The following DNAH7 variants were observed in gnomAD, a reference collection of about 807,000 sequenced individuals.
The protein encoded by DNAH7 is axonemal beta dynein heavy chain 7.
In DNAH7, 397 loss-of-function variants were observed where a neutral mutation model predicts 444.6. That is an observed-to-expected ratio of 0.89 (90% CI 0.82 to 0.97). The LOEUF is 0.97. Among genes scored for constraint, DNAH7 ranks in the 50% least tolerant of loss-of-function variants. The pLI is 0.00. For missense variants in DNAH7, 4,902 were observed against 4,800.8 expected (o/e 1.02, Z -0.62); for synonymous variants, 1,636 against 1,624.4 (o/e 1.01, Z -0.17).
intron 39 of DNAH7, 138 bp downstream of exon 39, chr2:195,873,430 G>T: frequency 2.0e-6 from 1 of 504,666 alleles, no homozygotes; most frequent in Non-Finnish European, 3.2e-6. Flanking sequence ...GGCAGGAACA[G>T]AGGCAAACGA....
In DNAH7 at chr2:195,794,607, G is replaced by A. The variant is rs1006630541; in HGVS notation, c.10516-69C>T. ...AAGAAAATCTCAAAAGCATACATAT[G>A]AAGGATGAGTTGGAAGGGGGAGGAA... On this transcript the variant is annotated intron_variant, in intron 56 of 64. Transcript: ENST00000312428. The A allele has an allele frequency of 4.1e-6, 6 of 1,454,966 alleles. No homozygotes were observed. The African/African-American group carries it at 8.4e-5, about 20-fold the overall frequency. 90.1% of individuals were successfully genotyped at this position (1,454,966 alleles called of 1,614,324 possible). A position where few individuals can be genotyped will look rare whatever the true frequency, so the allele number is the denominator to read the frequency against.
chr2:195,829,352 A>AT (rs1313868700), intron 48 of DNAH7, among the ~76,000 whole-genome samples: 2 of 151,964 alleles, frequency 1.3e-5, no homozygotes, highest in Non-Finnish European at 2.9e-5. Context: ...TTTGTTCAGT[A>AT]TATGTGGCCC....
intron 57 of DNAH7, among the ~76,000 whole-genome samples, chr2:195,787,943 G>A (rs1356100085): frequency 2.0e-5 from 3 of 152,122 alleles, no homozygotes; most frequent in Admixed American, 6.5e-5. Flanking sequence ...CTTCTGCCAC[G>A]GGGTGAGGAA....
intron 12 of DNAH7, among the ~76,000 whole-genome samples, chr2:195,998,332 TG>T (rs1301092992): frequency 2.0e-5 from 3 of 152,326 alleles, no homozygotes; most frequent in Non-Finnish European, 4.4e-5. Context: ...CCCAGCACTT[TG>T]GGAGGCAGAG....
At chr2:195,946,110 G>A (rs1444053418) in intron 19 of DNAH7, among the ~76,000 whole-genome samples, 1 of 152,152 alleles carries the variant, frequency 6.6e-6, no homozygotes, top group Non-Finnish European at 1.5e-5. Context: ...AGAAGATGGT[G>A]TGGTGGAATG....
intron 15 of DNAH7, 146 bp from the exon 16 acceptor site, chr2:195,972,612 C>T (rs1021888868): frequency 6.8e-6 from 4 of 585,402 alleles, no homozygotes; most frequent in Admixed American, 3.1e-5. Context: ...GCATAGTTTC[C>T]TTCTCATCCC....
intron 60 of DNAH7, among the ~76,000 whole-genome samples, chr2:195,775,587 A>T (rs1574412398): frequency 6.6e-6 from 1 of 152,056 alleles, no homozygotes; most frequent in African/African-American, 2.4e-5. Context: ...AGGCAAAATG[A>T]AACTCCTAGA....
intron 57 of DNAH7, among the ~76,000 whole-genome samples, chr2:195,789,637 T>A (rs1695782509): frequency 6.6e-6 from 1 of 152,002 alleles, no homozygotes; most frequent in African/African-American, 2.4e-5. Flanking sequence ...GTCTTGGTGA[T>A]CAGAATTAGT....
chr2:195,769,499 C>A (rs906560555), intron 61 of DNAH7, among the ~76,000 whole-genome samples: 3 of 152,052 alleles, frequency 2.0e-5, no homozygotes, highest in Admixed American at 2.0e-4. Context: ...TGACATTAAA[C>A]CCTGCCATTG....
At chr2:195,988,970 CATA>C (rs907641440) in intron 12 of DNAH7, among the ~76,000 whole-genome samples, 3 of 152,136 alleles carry the variant, frequency 2.0e-5, no homozygotes, top group Admixed American at 2.0e-4. Context: ...TTTCACTTAA[CATA>C]ATGCCCTCCA....
intron 63 of DNAH7, among the ~76,000 whole-genome samples, chr2:195,747,299 G>C (rs186930230): frequency 6.6e-6 from 1 of 152,294 alleles, no homozygotes. Flanking sequence ...ACTAAACCAG[G>C]AAGAAGTTGA....
rs113117707 is a variant in DNAH7, at chr2:196,056,386, A to G, written c.78+1668T>C. ...CTTGAGCCCGGGAGGCGGAGGTTGC[A>G]GTGAGCCAAGATCATGCCACTGCAC... On this transcript the variant is annotated intron_variant, in intron 2 of 64. Coordinates refer to ENST00000312428, the MANE Select transcript of DNAH7 (RefSeq NM_018897.3). Among the ~76,000 whole-genome samples, 1,301 of 150,796 alleles carry G rather than the reference A, an allele frequency of 8.6e-3. 9 individuals carry two copies. The highest frequency in any genetic ancestry group is 0.031 in the Middle Eastern group (9 of 294).
intron 10 of DNAH7, among the ~76,000 whole-genome samples, chr2:196,008,543 T>C (rs1694524547): frequency 6.6e-6 from 1 of 152,214 alleles, no homozygotes; most frequent in Non-Finnish European, 1.5e-5. Context: ...ATGAATAAAA[T>C]GTCTTATATC....
At position 195,936,799 on chromosome 2, in the gene DNAH7, A is replaced by G; in HGVS notation, c.3079-7T>C. 1 of 1,487,524 alleles carries G rather than the reference A, an allele frequency of 6.7e-7. No homozygotes were observed. Among genetic ancestry groups the G allele is most frequent in the Non-Finnish European group, 8.9e-7 (1 of 1,121,464 alleles). 92.1% of individuals were successfully genotyped at this position (1,487,524 alleles called of 1,614,324 possible). On this transcript the variant is annotated splice_region_variant and splice_polypyrimidine_tract_variant and intron_variant, in intron 19 of 64. Coordinates refer to ENST00000312428, the MANE Select transcript of DNAH7 (RefSeq NM_018897.3). ...CTGTCAGAACATGTTTATCCTAAAA[A>G]TAAAAATAAAAAACACTCAATTCAA... is the stretch of plus-strand genomic sequence containing the variant.
At chr2:195,852,915 C>CACAGAGAGAG (rs1553537158) in intron 46 of DNAH7, among the ~76,000 whole-genome samples, 2 of 84,584 alleles carry the variant, frequency 2.4e-5, no homozygotes, top group African/African-American at 6.5e-5. Flanking sequence ...CACACACACA[C>CACAGAGAGAG]AGAGAGAGAG....
intron 41 of DNAH7, among the ~76,000 whole-genome samples, chr2:195,862,872 C>T (rs981516500): frequency 5.9e-5 from 9 of 152,180 alleles, no homozygotes; most frequent in African/African-American, 1.7e-4. Context: ...CCCGTCTCTA[C>T]TAAAAATACA....
intron 5 of DNAH7, among the ~76,000 whole-genome samples, chr2:196,039,963 T>TTCA (rs1255059159): frequency 1.0e-3 from 153 of 151,946 alleles, no homozygotes; most frequent in Admixed American, 2.0e-3. Context: ...CCTAGACACA[T>TTCA]ATAACCTACC....
intron 15 of DNAH7, among the ~76,000 whole-genome samples, chr2:195,980,946 A>G (rs1692532725): frequency 6.6e-6 from 1 of 152,212 alleles, no homozygotes; most frequent in African/African-American, 2.4e-5. Flanking sequence ...CACAACAAGG[A>G]TGCCAATTTT....
intron 48 of DNAH7, among the ~76,000 whole-genome samples, chr2:195,825,924 T>C (rs965971121): frequency 1.4e-4 from 22 of 152,256 alleles, no homozygotes; most frequent in African/African-American, 4.8e-4. Flanking sequence ...ATTTGCTCCA[T>C]TGCTGAGATC....
Sources: gnomAD v4.1 joint callset for allele counts (sites outside exome capture counted in the v4.1 genomes callset) on GRCh38, gnomAD v4.1.1 for gene constraint, MANE v1.5 for transcripts, NCBI Gene and HGNC (gene_info 2026-07-23, HGNC 2026-07-21) for gene names.